Variants in RCAN2 observed in about 807,000 individuals in gnomAD.
RCAN2 encodes the protein calcipressin-2.
A neutral mutation model predicts 23.6 loss-of-function variants in RCAN2; 9 were observed. The observed-to-expected ratio is 0.38, with a 90% CI of 0.23 to 0.67. The LOEUF (loss-of-function observed/expected upper bound fraction) is 0.67. Among genes scored for constraint, RCAN2 ranks in the 30% least tolerant of loss-of-function variants. The pLI is 0.51. For synonymous variants in RCAN2, 109 were observed against 115.7 expected, an observed-to-expected ratio of 0.94 and a Z score of 0.37; for missense variants, 273 against 302.3, an observed-to-expected ratio of 0.90 and a Z score of 0.72.
chr6:46,433,221 C>A (rs546078580), intron 2 of RCAN2, among the ~76,000 whole-genome samples: 1 of 152,206 alleles, frequency 6.6e-6, no homozygotes, highest in African/African-American at 2.4e-5. Context: ...GTCCTCAGAT[C>A]GGCCTATACT....
rs1389938768 is a variant in RCAN2 at position 46,236,065 on chromosome 6, G to A, written c.571+10683C>T. The stretch of plus-strand genomic sequence containing the variant: ...CCAAGATGCATGCTATGATTATTTA[G>A]GGCGATATTATTTTGGCCACTGTTG... On this transcript the variant is annotated intron_variant, in intron 4 of 4. Transcript: ENST00000371374. Among the ~76,000 whole-genome samples, 3 of 152,196 alleles carry A rather than the reference G, an allele frequency of 2.0e-5. 1 individual carries two copies. Among genetic ancestry groups the A allele is most frequent in the African/African-American group, 7.2e-5 (3 of 41,448 alleles).
At chr6:46,311,110 C>A (rs1432854628) in intron 2 of RCAN2, among the ~76,000 whole-genome samples, 1 of 152,156 alleles carries the variant, frequency 6.6e-6, no homozygotes. Context: ...GAAAACTTCC[C>A]AAGACTGCAA....
chr6:46,469,779 G>A (rs1180318230), intron 1 of RCAN2, among the ~76,000 whole-genome samples: 5 of 152,098 alleles, frequency 3.3e-5, no homozygotes, highest in Non-Finnish European at 7.3e-5. Context: ...TCAGAGGTGG[G>A]GCCTTTAAGA....
At chr6:46,395,524 C>T (rs1416394947) in intron 2 of RCAN2, among the ~76,000 whole-genome samples, 2 of 152,300 alleles carry the variant, frequency 1.3e-5, no homozygotes, top group South Asian at 2.1e-4. Context: ...AGTAATTACA[C>T]ATTTCAAATC....
rs528656750 is a variant in RCAN2 at position 46,343,398 on chromosome 6, C to T, written c.226-94502G>A. Among the ~76,000 whole-genome samples the T allele has an allele frequency of 4.8e-4, 38 of 79,974 alleles. 1 individual carries two copies. In the South Asian group the frequency reaches 9.5e-3, roughly 20 times the overall value. The allele number at this position is 79,974 out of a possible 152,430, so 52.5% of individuals were successfully genotyped here. A position where few individuals can be genotyped will look rare whatever the true frequency, so the allele number is the denominator to read the frequency against. On this transcript the variant is annotated intron_variant, in intron 2 of 4. Transcript: ENST00000371374. ...CAATTTTTTTTTTTTTTTTTTGAGA[C>T]AGAGTCTCGCTCTGTCGCCCAGGCT...
At chr6:46,258,939 G>A (rs1264490926) in intron 2 of RCAN2, among the ~76,000 whole-genome samples, 5 of 152,192 alleles carry the variant, frequency 3.3e-5, no homozygotes, top group East Asian at 1.9e-4. Flanking sequence ...GGGAGGCAGA[G>A]CGGGGGTGAA....
chr6:46,350,667 T>C (rs1267455607), intron 2 of RCAN2, among the ~76,000 whole-genome samples: 1 of 152,224 alleles, frequency 6.6e-6, no homozygotes, highest in African/African-American at 2.4e-5. Flanking sequence ...CAGGAGTCAC[T>C]GCTGCTTAAG....
At chr6:46,252,200 A>G (rs9472725) in intron 2 of RCAN2, among the ~76,000 whole-genome samples, 2,381 of 152,244 alleles carry the variant, frequency 0.016, 63 homozygotes, top group African/African-American at 0.054. Context: ...CAATGAAGCC[A>G]CCAGATGTAC....
At chr6:46,293,318 G>A (rs1441076717) in intron 2 of RCAN2, among the ~76,000 whole-genome samples, 1 of 152,100 alleles carries the variant, frequency 6.6e-6, no homozygotes, top group African/African-American at 2.4e-5. Flanking sequence ...CTGACCTTAT[G>A]AATTTATAAT....
chr6:46,223,221 C>G lies in RCAN2; in HGVS notation c.652G>C (p.Glu218Gln). The G allele has an allele frequency of 6.2e-7, 1 of 1,614,054 alleles. No individual in the cohort carries two copies. The highest frequency in any genetic ancestry group is 8.5e-7 in the Non-Finnish European group (1 of 1,179,978). ...TTTGGGGAAGTCTTTGGGTCCTCTT[C>G]TTCCTCTATGTCACTGTCGCACACG... is the stretch of plus-strand genomic sequence containing the variant. ...VHVCDSDIEEEEDPKTSPKPK... is the reference protein window; with the variant it reads ...VHVCDSDIEEQEDPKTSPKPK... Residue 218 changes from glutamate to glutamine, a missense_variant, in exon 5 of 5, where the codon GAA becomes CAA. Glu to Gln is a conservative substitution (Grantham distance 29). Transcript: ENST00000371374.
intron 2 of RCAN2, among the ~76,000 whole-genome samples, chr6:46,279,056 G>A (rs1339342944): frequency 6.6e-6 from 1 of 152,170 alleles, no homozygotes; most frequent in Non-Finnish European, 1.5e-5. Flanking sequence ...ATTCTAATAT[G>A]TAGCCAGGGG....
Position 46,246,836 on chromosome 6 carries a change from G to A in RCAN2, c.483C>T (p.Ser161=), listed in dbSNP as rs1766530098. 6.2e-7 allele frequency: 1 copy of A among 1,613,308 alleles called. No individual in the cohort carries two copies. The highest frequency in any genetic ancestry group is 2.2e-5 in the East Asian group (1 of 44,826). ...TGGGCTGCCAGCCAACAGGTGGGGA[G>A]GAAGGGGGCGAGATGAGAAACTGTT... ...PAKQFLISPP[S]SPPVGWQPIN... The change falls in exon 4 of 5, where the codon TCC becomes TCT. Residue 161 remains serine, a synonymous_variant. Coordinates refer to ENST00000371374, the MANE Select transcript of RCAN2 (RefSeq NM_001251974.2).
At chr6:46,325,306 C>T in intron 2 of RCAN2, 1 of 1,468,196 alleles carries the variant, frequency 6.8e-7, no homozygotes, top group Non-Finnish European at 9.3e-7. Context: ...AAACTATTAA[C>T]CAAAGTCTTA....
At chr6:46,425,691 A>C (rs989922487) in intron 2 of RCAN2, among the ~76,000 whole-genome samples, 1 of 152,144 alleles carries the variant, frequency 6.6e-6, no homozygotes, top group African/African-American at 2.4e-5. Context: ...TAGTTCCTTG[A>C]GTTATAATTT....
chr6:46,340,350 T>C (rs2150372230), intron 2 of RCAN2, among the ~76,000 whole-genome samples: 1 of 152,226 alleles, frequency 6.6e-6, no homozygotes, highest in Non-Finnish European at 1.5e-5. Context: ...TAACTGAAAA[T>C]CCACCCAAGG....
intron 2 of RCAN2, among the ~76,000 whole-genome samples, chr6:46,317,328 A>G (rs1425477993): frequency 1.3e-5 from 2 of 152,360 alleles, no homozygotes; most frequent in African/African-American, 2.4e-5. Context: ...TTTATGTACA[A>G]GTAGTATAAC....
At chr6:46,360,575 G>C (rs1327239199) in intron 2 of RCAN2, among the ~76,000 whole-genome samples, 1 of 139,480 alleles carries the variant, frequency 7.2e-6, no homozygotes, top group Non-Finnish European at 1.6e-5. Flanking sequence ...GCTTGATGTA[G>C]ATAAGAGAGG....
At chr6:46,470,902 T>C (rs535234026) in intron 1 of RCAN2, among the ~76,000 whole-genome samples, 25 of 152,360 alleles carry the variant, frequency 1.6e-4, no homozygotes, top group Admixed American at 5.2e-4. Context: ...TTTTTTCTTC[T>C]GGTGAATTCA....
chr6:46,446,406 G>C (rs1767707687), intron 2 of RCAN2, among the ~76,000 whole-genome samples: 1 of 152,078 alleles, frequency 6.6e-6, no homozygotes, highest in African/African-American at 2.4e-5. Flanking sequence ...AAACAAAGCT[G>C]ACAGTTTATC....
Sources: gnomAD v4.1 joint callset for allele counts (sites outside exome capture counted in the v4.1 genomes callset) on GRCh38, gnomAD v4.1.1 for gene constraint, MANE v1.5 for transcripts, NCBI Gene and HGNC (gene_info 2026-07-23, HGNC 2026-07-21) for gene names.